RMDN2: variants seen among roughly 807,000 people sequenced by gnomAD.
RMDN2 encodes regulator of microtubule dynamics 2, also known as regulator of microtubule dynamics protein 2.
In RMDN2, 61 loss-of-function variants were observed where a neutral mutation model predicts 52.8. That is an observed-to-expected ratio of 1.16 (90% CI 0.94 to 1.43). The LOEUF (loss-of-function observed/expected upper bound fraction) is 1.43. Ranked by LOEUF, RMDN2 falls within the 40% of genes most tolerant of loss-of-function variation. The pLI, the probability that RMDN2 is intolerant of heterozygous loss-of-function variation, is 0.00. For missense variants in RMDN2, 592 were observed against 475.3 expected, an observed-to-expected ratio of 1.25 and a Z score of -2.28; for synonymous variants, 180 against 153.1, an observed-to-expected ratio of 1.18 and a Z score of -1.30.
At chr2:38,054,974 T>C (rs948277721) in intron 10 of RMDN2, among the ~76,000 whole-genome samples, 4 of 152,220 alleles carry the variant, frequency 2.6e-5, no homozygotes, top group Non-Finnish European at 4.4e-5. Context: ...GTAAAACTAA[T>C]AAAACACATT....
At chr2:37,957,999 T>C (rs1474653754) in intron 2 of RMDN2, among the ~76,000 whole-genome samples, 1 of 152,162 alleles carries the variant, frequency 6.6e-6, no homozygotes, top group Non-Finnish European at 1.5e-5. Context: ...ATTCCATTGG[T>C]CTATATATCT....
chr2:37,990,938 G>A (rs936122451), intron 6 of RMDN2, among the ~76,000 whole-genome samples: 1 of 152,064 alleles, frequency 6.6e-6, no homozygotes, highest in Non-Finnish European at 1.5e-5. Flanking sequence ...TCAAGTCATG[G>A]GTAGGCAAAC....
At chr2:37,997,728 A>T in intron 8 of RMDN2, 1 of 486,590 alleles carries the variant, frequency 2.1e-6, no homozygotes, top group East Asian at 3.7e-5. Context: ...GGTTCTAGGA[A>T]TTACAAACTA....
intron 10 of RMDN2, among the ~76,000 whole-genome samples, chr2:38,006,399 C>G (rs142169735): frequency 0.13 from 19,371 of 152,142 alleles, 1,441 homozygotes; most frequent in Non-Finnish European, 0.17. Context: ...GTTTGTAGTT[C>G]TCCTCGAAGA....
rs983885912 is a variant in RMDN2, at chr2:38,004,155, A to C, written c.1118A>C (p.Glu373Ala). ...TTCCAGTGTTATACTGATCTTGAGG[A>C]AAACCAGAATGCTTTGAAGTTCTGT... Reference protein sequence around the residue: ...YLAKCYTDLEENQNALKFCNL... With the variant: ...YLAKCYTDLEANQNALKFCNL... The change falls in exon 10 of 11, where the codon GAA becomes GCA. Residue 373 changes from glutamate (E) to alanine (A), a missense_variant. Physicochemically the swap from Glu to Ala is moderately radical, Grantham distance 107. Coordinates refer to ENST00000354545, the MANE Select transcript of RMDN2 (RefSeq NM_001170791.3). 1.5e-5 allele frequency: 24 copies of C among 1,613,704 alleles called. No individual in the cohort carries two copies. The highest frequency in any genetic ancestry group is 1.7e-5 in the Admixed American group (1 of 60,006).
At chr2:37,978,776 T>TTAGA (rs751616313) in intron 4 of RMDN2, among the ~76,000 whole-genome samples, 67 of 63,858 alleles carry the variant, frequency 1.0e-3, no homozygotes, top group South Asian at 2.5e-3. Flanking sequence ...AGACCCTTTC[T>TTAGA]CAGATAGATA....
At chr2:37,947,059 AT>A (rs1668279301) in intron 2 of RMDN2, among the ~76,000 whole-genome samples, 1 of 151,986 alleles carries the variant, frequency 6.6e-6, no homozygotes, top group African/African-American at 2.4e-5. Flanking sequence ...TATTTTTTTA[AT>A]TTTGATTTTT....
At chr2:38,065,927 T>A (rs563265763) in intron 10 of RMDN2, among the ~76,000 whole-genome samples, 1 of 152,234 alleles carries the variant, frequency 6.6e-6, no homozygotes, top group East Asian at 1.9e-4. Context: ...CTGTCTGTAG[T>A]GTGGAATGTG....
chr2:37,996,629 G>C (rs1347190579), intron 7 of RMDN2, among the ~76,000 whole-genome samples: 2 of 150,388 alleles, frequency 1.3e-5, no homozygotes, highest in Non-Finnish European at 3.0e-5. Context: ...GAGGATATTG[G>C]CTACCAAGGA....
chr2:37,962,165 A>G (rs1470275492), intron 2 of RMDN2, among the ~76,000 whole-genome samples: 1 of 152,212 alleles, frequency 6.6e-6, no homozygotes, highest in Non-Finnish European at 1.5e-5. Context: ...CGGAGGCACA[A>G]GGGTCAGGGA....
intron 2 of RMDN2, among the ~76,000 whole-genome samples, chr2:37,946,645 A>G (rs1362771641): frequency 6.6e-6 from 1 of 152,198 alleles, no homozygotes; most frequent in Non-Finnish European, 1.5e-5. Flanking sequence ...ATGAATAAGG[A>G]TTACTCAGGA....
intron 1 of RMDN2, among the ~76,000 whole-genome samples, chr2:37,927,946 A>T (rs187753386): frequency 6.6e-6 from 1 of 152,332 alleles, no homozygotes; most frequent in Non-Finnish European, 1.5e-5. Flanking sequence ...GTTCCCAGTT[A>T]TACCAATTAG....
chr2:38,035,234 A>T (rs1680493117), intron 10 of RMDN2, among the ~76,000 whole-genome samples: 2 of 152,206 alleles, frequency 1.3e-5, no homozygotes, highest in African/African-American at 2.4e-5. Flanking sequence ...GAGTAAAACA[A>T]GATCAAATAT....
chr2:38,019,320 G>T (rs148274800), downstream of RMDN2, among the ~76,000 whole-genome samples: 159 of 152,260 alleles, frequency 1.0e-3, 1 homozygote, highest in African/African-American at 3.1e-3. Context: ...TGGGATTTGG[G>T]ACTCATAATT....
chr2:37,944,625 A>T (rs1283616580), intron 2 of RMDN2, among the ~76,000 whole-genome samples: 2 of 152,196 alleles, frequency 1.3e-5, no homozygotes, highest in Non-Finnish European at 2.9e-5. Flanking sequence ...TCACTTATTG[A>T]GAAGCTTTGC....
At chr2:38,030,572 A>G (rs2125273246) in intron 10 of RMDN2, 1 of 152,360 alleles carries the variant, frequency 6.6e-6, no homozygotes, top group East Asian at 1.9e-4. Flanking sequence ...TGTTTACAAC[A>G]TGTTAAAAGT....
In RMDN2 at chr2:38,007,916, C is replaced by T. The variant is rs902290136; in HGVS notation, c.1179+3700C>T. On this transcript the variant is annotated intron_variant, in intron 10 of 10. Coordinates refer to ENST00000354545, the MANE Select transcript of RMDN2 (RefSeq NM_001170791.3). ...TTCTGATATGTTGTATCTTTGTTCTCGTTGGTTTCAAAGAACATCTTTATT... is the reference window on the plus strand; with the variant it reads ...TTCTGATATGTTGTATCTTTGTTCTTGTTGGTTTCAAAGAACATCTTTATT... Among the ~76,000 whole-genome samples the T allele has an allele frequency of 5.9e-5, 9 of 152,036 alleles. 1 individual carries two copies. The highest frequency in any genetic ancestry group is 5.8e-4 in the East Asian group (3 of 5,180).
chr2:38,015,501 G>T (rs1163972708), intron 10 of RMDN2, among the ~76,000 whole-genome samples: 1 of 150,488 alleles, frequency 6.6e-6, no homozygotes, highest in Non-Finnish European at 1.5e-5. Flanking sequence ...GAAGGCGGAG[G>T]TTGCAGTAGG....
chr2:38,011,337 G>T (rs764832109), intron 10 of RMDN2, among the ~76,000 whole-genome samples: 14 of 152,178 alleles, frequency 9.2e-5, no homozygotes, highest in Admixed American at 3.9e-4. Flanking sequence ...ATTCCACAGG[G>T]TTAACAACTC....
Sources: gnomAD v4.1 joint callset for allele counts (sites outside exome capture counted in the v4.1 genomes callset) on GRCh38, gnomAD v4.1.1 for gene constraint, MANE v1.5 for transcripts, NCBI Gene and HGNC (gene_info 2026-07-23, HGNC 2026-07-21) for gene names.